The following BIN3 variants were observed in gnomAD, a reference collection of about 807,000 sequenced individuals.
The protein encoded by BIN3 is bridging integrator 3.
BIN3 carries 41 observed loss-of-function variants against 38.2 expected under a neutral mutation model. The observed-to-expected ratio is 1.07, with a 90% CI of 0.84 to 1.39. The LOEUF (loss-of-function observed/expected upper bound fraction) is 1.39. BIN3 is among the 40% of genes most tolerant of loss of function. The pLI, the probability that BIN3 is intolerant of heterozygous loss-of-function variation, is 0.00. For synonymous variants in BIN3, 145 were observed against 122.6 expected (o/e 1.18, Z -1.21); for missense variants, 361 against 324.3 (o/e 1.11, Z -0.87).
rs879300602 is a variant in BIN3 at position 22,621,049 on chromosome 8, T to TTTTGGAGGTAGA, written c.*361_*372dup. On this transcript the variant is annotated 3_prime_UTR_variant, in exon 9 of 9. Coordinates refer to ENST00000276416, the MANE Select transcript of BIN3 (RefSeq NM_018688.6). ...GCCAGAGGGCTCCCCAGGATGGGTC[T>TTTTGGAGGTAGA]TTTGGAGGTAGATTTGATGCCCACA... 6.6e-5 allele frequency: 12 copies of TTTTGGAGGTAGA among 183,096 alleles called. No individual in the cohort carries two copies. Among genetic ancestry groups the TTTTGGAGGTAGA allele is most frequent in the Non-Finnish European group, 1.4e-4 (12 of 88,110 alleles). The allele number at this position is 183,096 out of a possible 1,614,324, so 11.3% of individuals were successfully genotyped here. A position where few individuals can be genotyped will look rare whatever the true frequency, so the allele number is the denominator to read the frequency against.
chr8:22,654,524 G>C (rs997715262), intron 1 of BIN3, among the ~76,000 whole-genome samples: 1 of 152,096 alleles, frequency 6.6e-6, no homozygotes, highest in East Asian at 1.9e-4. Flanking sequence ...CCATTACTTT[G>C]CCTTCTTTAT....
Position 22,620,845 on chromosome 8 carries a change from T to C in BIN3, c.*577A>G, listed in dbSNP as rs1801767968. ...CCACTGACAGCTTGCGTTCCCGAGGTACCAGTCCTCAGTGACCTCGGGAAC... is the reference window on the plus strand; with the variant it reads ...CCACTGACAGCTTGCGTTCCCGAGGCACCAGTCCTCAGTGACCTCGGGAAC... On this transcript the variant is annotated 3_prime_UTR_variant, in exon 9 of 9. Coordinates refer to ENST00000276416, the MANE Select transcript of BIN3 (RefSeq NM_018688.6). 2 of 152,356 alleles carry C rather than the reference T, an allele frequency of 1.3e-5. No homozygotes were observed. The highest frequency in any genetic ancestry group is 4.8e-5 in the African/African-American group (2 of 41,432). The allele number at this position is 152,356 out of a possible 1,614,324, so 9.4% of individuals were successfully genotyped here.
At chr8:22,655,751 C>T (rs1803036138) in intron 1 of BIN3, among the ~76,000 whole-genome samples, 1 of 152,176 alleles carries the variant, frequency 6.6e-6, no homozygotes, top group South Asian at 2.1e-4. Context: ...GTGTCCCTTG[C>T]ATTTCCACGT....
At chr8:22,625,606 G>T in intron 6 of BIN3, 1 of 588,120 alleles carries the variant, frequency 1.7e-6, no homozygotes, top group Non-Finnish European at 3.1e-6. Context: ...ATTTGGTTTT[G>T]AGACAGAGTC....
chr8:22,624,118 G>A, intron 7 of BIN3, 69 bp from the exon 8 acceptor site: 2 of 1,589,798 alleles, frequency 1.3e-6, no homozygotes, highest in Non-Finnish European at 1.7e-6. Flanking sequence ...GGGTGGGGTG[G>A]GGACGTCTGG....
intron 1 of BIN3, among the ~76,000 whole-genome samples, chr8:22,652,383 A>G (rs1289145323): frequency 6.6e-6 from 1 of 152,232 alleles, no homozygotes; most frequent in African/African-American, 2.4e-5. Flanking sequence ...TGATGTCACT[A>G]TCTTTCTACT....
At chr8:22,660,303 G>A (rs1803192402) in intron 1 of BIN3, among the ~76,000 whole-genome samples, 1 of 152,268 alleles carries the variant, frequency 6.6e-6, no homozygotes, top group Non-Finnish European at 1.5e-5. Flanking sequence ...GTTTGCATTT[G>A]GAGGTGAAAG....
intron 2 of BIN3, among the ~76,000 whole-genome samples, chr8:22,637,332 G>C (rs987651284): frequency 1.3e-5 from 2 of 152,194 alleles, no homozygotes. Flanking sequence ...GAGTGCAGAG[G>C]AGAGGGCGGG....
intron 8 of BIN3, 110 bp downstream of exon 8, chr8:22,623,805 G>A: frequency 7.4e-7 from 1 of 1,350,636 alleles, no homozygotes; most frequent in Non-Finnish European, 9.9e-7. Flanking sequence ...GCCTGGGGTG[G>A]GTGCCCTGTC....
At position 22,623,629 on chromosome 8, in the gene BIN3, T is replaced by C. The variant is rs554570518; in HGVS notation, c.615+286A>G. On this transcript the variant is annotated intron_variant, in intron 8 of 8. Transcript: ENST00000276416. ...TGCGGGGCAGAGGAGCTACTTATAG[T>C]GAAATGTAGAGAGATCCATGGCGGA... Among the ~76,000 whole-genome samples, 343 of 152,226 alleles carry C rather than the reference T, an allele frequency of 2.3e-3. 1 individual carries two copies. The highest frequency in any genetic ancestry group is 3.8e-3 in the Non-Finnish European group (261 of 68,022).
chr8:22,626,194 C>G (rs887906633), intron 6 of BIN3: 1 of 152,318 alleles, frequency 6.6e-6, no homozygotes, highest in Admixed American at 6.5e-5. Context: ...ACCGACTTGC[C>G]GGGCAGAAGC....
At position 22,641,567 on chromosome 8, in the gene BIN3, C is replaced by A. The variant is rs559867992; in HGVS notation, c.57+3188G>T. 2.6e-5 allele frequency among the ~76,000 whole-genome samples: 4 copies of A among 152,284 alleles called. No individual in the cohort carries two copies. The East Asian group carries it at 7.7e-4, about 29-fold the overall frequency. ...AGAATCCTCAGCATTCTGGGAAGCCCCTCCTTCAAGGGATGCTCTGCGTGG... is the reference window on the plus strand; with the variant it reads ...AGAATCCTCAGCATTCTGGGAAGCCACTCCTTCAAGGGATGCTCTGCGTGG... On this transcript the variant is annotated intron_variant, in intron 2 of 8. Transcript: ENST00000276416.
intron 2 of BIN3, among the ~76,000 whole-genome samples, chr8:22,640,863 AG>A (rs1356867403): frequency 6.6e-6 from 1 of 152,116 alleles, no homozygotes; most frequent in Non-Finnish European, 1.5e-5. Flanking sequence ...AATGAAGCTG[AG>A]GAGAAGGTCA....
chr8:22,623,071 G>T (rs112387087), intron 8 of BIN3, among the ~76,000 whole-genome samples: 2 of 152,186 alleles, frequency 1.3e-5, no homozygotes, highest in Admixed American at 1.3e-4. Context: ...GCCCAGCCAC[G>T]CTCAGACCAC....
chr8:22,649,852 CA>C (rs1563973823), intron 1 of BIN3, among the ~76,000 whole-genome samples: 19 of 140,744 alleles, frequency 1.3e-4, no homozygotes, highest in Non-Finnish European at 2.4e-4. Context: ...CACACACACA[CA>C]CACACCCCCA....
At chr8:22,666,600 G>A (rs1384139795) in intron 1 of BIN3, among the ~76,000 whole-genome samples, 1 of 152,076 alleles carries the variant, frequency 6.6e-6, no homozygotes, top group South Asian at 2.1e-4. Context: ...AAGGCAGCAG[G>A]TACCCACTAA....
At position 22,669,057 on chromosome 8, in the gene BIN3, C is replaced by G. The variant is rs372878775; in HGVS notation, c.-6G>C. 210 of 1,591,426 alleles carry G rather than the reference C, an allele frequency of 1.3e-4. No individual in the cohort carries two copies. The highest frequency in any genetic ancestry group is 1.6e-4 in the Non-Finnish European group (190 of 1,169,626). Reference sequence around the variant, plus strand: ...GGCCTCACTCACCAGCTCATGGTCCCGAACCTGCGTCTGCCGCCGGGGTCC... The same window carrying G: ...GGCCTCACTCACCAGCTCATGGTCCGGAACCTGCGTCTGCCGCCGGGGTCC... On this transcript the variant is annotated 5_prime_UTR_variant, in exon 1 of 9. Coordinates refer to ENST00000276416, the MANE Select transcript of BIN3 (RefSeq NM_018688.6).
chr8:22,645,303 A>G (rs1802680547), intron 1 of BIN3, among the ~76,000 whole-genome samples: 1 of 152,052 alleles, frequency 6.6e-6, no homozygotes. Context: ...TATCTCAAAA[A>G]AAAAAACACA....
chr8:22,642,710 G>A (rs1802602202), intron 2 of BIN3, among the ~76,000 whole-genome samples: 1 of 152,156 alleles, frequency 6.6e-6, no homozygotes, highest in Non-Finnish European at 1.5e-5. Flanking sequence ...TTTTATAAAC[G>A]AGAAAATGAA....
Sources: allele counts gnomAD v4.1 joint callset (sites outside exome capture counted in the v4.1 genomes callset), GRCh38; gene constraint gnomAD v4.1.1; transcripts MANE v1.5; gene names NCBI Gene and HGNC (gene_info 2026-07-23, HGNC 2026-07-21).